The following OTUD7A variants were observed in gnomAD, a reference collection of about 807,000 sequenced individuals.
The protein encoded by OTUD7A is OTU deubiquitinase 7A.
Under a neutral mutation model 65.7 loss-of-function variants are expected in OTUD7A, and 12 were observed. The observed-to-expected ratio is 0.18, with a 90% CI of 0.12 to 0.30. The LOEUF is 0.30. Ranked by LOEUF, OTUD7A falls within the 10% of genes least tolerant of loss-of-function variation. The pLI is 1.00. For synonymous variants in OTUD7A, 641 were observed against 586.3 expected (o/e 1.09, Z -1.35); for missense variants, 1,148 against 1,304.8 (o/e 0.88, Z 1.85).
chr15:31,586,032 T>G (rs1465996717), intron 3 of OTUD7A, among the ~76,000 whole-genome samples: 1 of 152,190 alleles, frequency 6.6e-6, no homozygotes, highest in East Asian at 1.9e-4. Flanking sequence ...GTCAGGATGG[T>G]CCCTCAGCAG....
chr15:31,858,539 C>A (rs1277153506), intron 1 of OTUD7A, among the ~76,000 whole-genome samples: 1 of 152,164 alleles, frequency 6.6e-6, no homozygotes, highest in Non-Finnish European at 1.5e-5. Context: ...AAGACTCGTC[C>A]AAGGAAAACA....
In OTUD7A at chr15:31,527,292, G is replaced by A. The variant is rs765724002; in HGVS notation, c.669C>T (p.His223=). Residue 223 remains histidine (H), a synonymous_variant, in exon 7 of 13, where the codon CAC becomes CAT. Transcript: ENST00000307050. ...HAASLGMWGF[H]DRDLVLRKAL... ...CTTTCCGTAACACCAGGTCCCGGTC[G>A]TGAAACCCCCACATTCCTGGAGCCA... The A allele has an allele frequency of 2.9e-5, 47 of 1,613,904 alleles. No homozygotes were observed. The highest frequency in any genetic ancestry group is 3.6e-5 in the Non-Finnish European group (42 of 1,179,958).
chr15:31,603,354 T>C (rs986095445), intron 3 of OTUD7A, among the ~76,000 whole-genome samples: 5 of 152,230 alleles, frequency 3.3e-5, no homozygotes, highest in African/African-American at 4.8e-5. Context: ...AAGGATTCCC[T>C]ATTTAATAAA....
chr15:31,520,012 A>AAC (rs2041916568), intron 8 of OTUD7A, among the ~76,000 whole-genome samples: 1 of 152,204 alleles, frequency 6.6e-6, no homozygotes, highest in South Asian at 2.1e-4. Flanking sequence ...TGAATGGAAA[A>AAC]ACATCCCATG....
chr15:31,720,461 G>A (rs190409076), intron 1 of OTUD7A, among the ~76,000 whole-genome samples: 98 of 150,732 alleles, frequency 6.5e-4, no homozygotes, highest in African/African-American at 2.2e-3. Context: ...GTGCGGTGGC[G>A]CGCTCTCAGC....
chr15:31,725,527 T>G (rs1893860770), intron 1 of OTUD7A, among the ~76,000 whole-genome samples: 1 of 152,210 alleles, frequency 6.6e-6, no homozygotes, highest in African/African-American at 2.4e-5. Context: ...TCCCACTACC[T>G]TTGATATTTG....
At chr15:31,651,572 AACACACACACACACACACACACACACAC>A (rs60554390) in intron 3 of OTUD7A, among the ~76,000 whole-genome samples, 1 of 140,802 alleles carries the variant, frequency 7.1e-6, no homozygotes, top group Non-Finnish European at 1.5e-5. Context: ...AATCCCAAGG[AACACACACACACACACACACACACACAC>A]ACACACACAC....
chr15:31,686,884 TG>T (rs1356118740), intron 1 of OTUD7A, among the ~76,000 whole-genome samples: 1 of 152,094 alleles, frequency 6.6e-6, no homozygotes, highest in African/African-American at 2.4e-5. Context: ...GGGAAGAAAA[TG>T]AGGCAAGTAA....
chr15:31,557,209 C>T (rs1888525984), intron 5 of OTUD7A: 2 of 152,324 alleles, frequency 1.3e-5, no homozygotes, highest in Admixed American at 6.5e-5. Flanking sequence ...TGTCTAAACG[C>T]ATCTTGTGCC....
chr15:31,796,748 T>C (rs530429409), intron 1 of OTUD7A, among the ~76,000 whole-genome samples: 1 of 152,342 alleles, frequency 6.6e-6, no homozygotes, highest in African/African-American at 2.4e-5. Flanking sequence ...ATTCCTCTTT[T>C]CTTTGAGACA....
intron 1 of OTUD7A, among the ~76,000 whole-genome samples, chr15:31,690,570 G>T (rs1892938412): frequency 6.6e-6 from 1 of 152,226 alleles, no homozygotes; most frequent in Non-Finnish European, 1.5e-5. Flanking sequence ...TCCACACAAG[G>T]TAGACCAGAA....
intron 5 of OTUD7A, among the ~76,000 whole-genome samples, chr15:31,535,432 T>C (rs1343060610): frequency 6.6e-6 from 1 of 152,174 alleles, no homozygotes; most frequent in East Asian, 1.9e-4. Flanking sequence ...CCCTTTTGTT[T>C]ATAAATTACC....
chr15:31,858,372 G>A (rs1461403732), intron 1 of OTUD7A, among the ~76,000 whole-genome samples: 1 of 152,128 alleles, frequency 6.6e-6, no homozygotes, highest in Non-Finnish European at 1.5e-5. Flanking sequence ...GGAAGGCTTC[G>A]TTCAAAGATC....
At chr15:31,536,437 C>A (rs1199178148) in intron 5 of OTUD7A, among the ~76,000 whole-genome samples, 3 of 152,140 alleles carry the variant, frequency 2.0e-5, no homozygotes, top group Non-Finnish European at 4.4e-5. Flanking sequence ...ATGCACCTCC[C>A]TAGGGCCTTC....
intron 1 of OTUD7A, among the ~76,000 whole-genome samples, chr15:31,694,630 C>T (rs138776813): frequency 0.047 from 7,222 of 152,076 alleles, 553 homozygotes; most frequent in African/African-American, 0.16. Context: ...ACCCCACCTC[C>T]CCCAGCACCT....
chr15:31,700,063 C>A (rs1041336739), intron 1 of OTUD7A, among the ~76,000 whole-genome samples: 1 of 151,612 alleles, frequency 6.6e-6, no homozygotes, highest in Non-Finnish European at 1.5e-5. Context: ...AAGTCACCCC[C>A]TGCTAATGAC....
In OTUD7A at chr15:31,547,100, G is replaced by A. The variant is rs370795429; in HGVS notation, c.550+11869C>T. ...AGAGATGACTCTAAGAGAAAAGACA[G>A]CTGGAAGCTGCTTGAACCTGAGATG... On this transcript the variant is annotated intron_variant, in intron 5 of 12. Transcript: ENST00000307050. Among the ~76,000 whole-genome samples, 3 of 152,248 alleles carry A rather than the reference G, an allele frequency of 2.0e-5. No individual in the cohort carries two copies. In the East Asian group the frequency reaches 5.8e-4, roughly 29 times the overall value.
intron 3 of OTUD7A, among the ~76,000 whole-genome samples, chr15:31,592,571 T>C (rs939203707): frequency 1.3e-5 from 2 of 151,918 alleles, no homozygotes; most frequent in Non-Finnish European, 2.9e-5. Context: ...GAGGCCATTT[T>C]ACATTAACTT....
At chr15:31,767,013 C>T in intron 1 of OTUD7A, 2 of 1,610,548 alleles carry the variant, frequency 1.2e-6, no homozygotes, top group Non-Finnish European at 1.7e-6. Context: ...CATTAGCACT[C>T]ACTCTTCTGT....
Sources: gnomAD v4.1 joint callset for allele counts (sites outside exome capture counted in the v4.1 genomes callset) on GRCh38, gnomAD v4.1.1 for gene constraint, MANE v1.5 for transcripts, NCBI Gene and HGNC (gene_info 2026-07-23, HGNC 2026-07-21) for gene names.